RARS2: variants seen among roughly 807,000 people sequenced by gnomAD.
The protein encoded by RARS2 is probable arginine--tRNA ligase, mitochondrial.
Under a neutral mutation model 88.5 loss-of-function variants are expected in RARS2, and 67 were observed. The observed-to-expected ratio is 0.76, with a 90% CI of 0.62 to 0.93. The LOEUF (loss-of-function observed/expected upper bound fraction) is 0.93, where lower values mean the gene tolerates loss of function less well. Among genes scored for constraint, RARS2 ranks in the 40% least tolerant of loss-of-function variants. The pLI, the probability that RARS2 is intolerant of heterozygous loss-of-function variation, is 0.00. For synonymous variants in RARS2, 239 were observed against 230.3 expected (o/e 1.04, Z -0.34); for missense variants, 664 against 684.2 (o/e 0.97, Z 0.33).
chr6:87,582,330 T>A (rs1773860606), intron 1 of RARS2, among the ~76,000 whole-genome samples: 1 of 152,190 alleles, frequency 6.6e-6, no homozygotes, highest in Non-Finnish European at 1.5e-5. Flanking sequence ...CTCATTGTGG[T>A]TTTGATTTAC....
intron 8 of RARS2, among the ~76,000 whole-genome samples, chr6:87,536,497 C>T (rs1206506797): frequency 3.3e-5 from 5 of 151,764 alleles, no homozygotes; most frequent in African/African-American, 7.3e-5. Flanking sequence ...ATTAGCTGGG[C>T]GTGGTAGTGC....
Position 87,514,304 on chromosome 6 carries a change from TC to T in RARS2, c.*108del. On this transcript the variant is annotated 3_prime_UTR_variant, in exon 20 of 20. Transcript: ENST00000369536. ...CCAGCCTGGGCAACAAGAGCGAAAC[TC>T]CATCTCAAAAAAAAAAAAAAAAAAT... The T allele has an allele frequency of 2.1e-5, 14 of 663,368 alleles. No individual in the cohort carries two copies. In the South Asian group the frequency reaches 2.4e-4, roughly 11 times the overall value. 41.1% of individuals were successfully genotyped at this position (663,368 alleles called of 1,614,324 possible). A position where few individuals can be genotyped will look rare whatever the true frequency, so the allele number is the denominator to read the frequency against.
rs555944432 is a variant in RARS2 at position 87,564,439 on chromosome 6, C to T, written c.111-207G>A. The T allele has an allele frequency of 7.4e-6, 4 of 541,316 alleles. No individual in the cohort carries two copies. In the South Asian group the frequency reaches 7.9e-5, roughly 11 times the overall value. 33.5% of individuals were successfully genotyped at this position (541,316 alleles called of 1,614,324 possible). On this transcript the variant is annotated intron_variant, in intron 2 of 19. Coordinates refer to ENST00000369536, the MANE Select transcript of RARS2 (RefSeq NM_020320.5). ...CTTTGGGAGGCTAAGGCAGGCGGAT[C>T]ACCTGAGGTTGAGTTCTAGACCAGC...
intron 1 of RARS2, 126 bp from the exon 2 acceptor site, chr6:87,569,716 T>G (rs561413976): frequency 1.3e-6 from 1 of 776,488 alleles, no homozygotes; most frequent in Admixed American, 2.1e-5. Flanking sequence ...GCATTCCAAG[T>G]GAAGGAAGCC....
In RARS2 at chr6:87,524,431, T is replaced by C. The variant is rs1286552991; in HGVS notation, c.974+126A>G. 4 of 812,220 alleles carry C rather than the reference T, an allele frequency of 4.9e-6. No individual in the cohort carries two copies. In the East Asian group the frequency reaches 1.0e-4, roughly 20 times the overall value. 50.3% of individuals were successfully genotyped at this position (812,220 alleles called of 1,614,324 possible). A position where few individuals can be genotyped will look rare whatever the true frequency, so the allele number is the denominator to read the frequency against. ...TTTAGTTGATTATGAAGTACTTCAG[T>C]TTTACAGTTTATAGAATAATGTCAT... is the stretch of plus-strand genomic sequence containing the variant. On this transcript the variant is annotated intron_variant, in intron 11 of 19. Coordinates refer to ENST00000369536, the MANE Select transcript of RARS2 (RefSeq NM_020320.5).
chr6:87,514,809 T>C (rs1450474183), intron 19 of RARS2, 148 bp downstream of exon 19: 1 of 735,360 alleles, frequency 1.4e-6, no homozygotes, highest in Non-Finnish European at 2.4e-6. Flanking sequence ...TATATACACA[T>C]TGATTGTTAC....
At chr6:87,527,574 A>G (rs956894071) in intron 10 of RARS2, among the ~76,000 whole-genome samples, 1 of 152,202 alleles carries the variant, frequency 6.6e-6, no homozygotes, top group African/African-American at 2.4e-5. Flanking sequence ...AAACTAAAAA[A>G]GCTTCTGCAC....
chr6:87,524,831 T>C (rs1295574278), intron 10 of RARS2, among the ~76,000 whole-genome samples, 179 bp from the exon 11 acceptor site: 2 of 152,244 alleles, frequency 1.3e-5, no homozygotes, highest in Non-Finnish European at 2.9e-5. Context: ...GAATCTCTTA[T>C]GAATGGGTAT....
intron 1 of RARS2, chr6:87,584,579 C>T (rs6927826): frequency 0.055 from 18,251 of 332,404 alleles, 766 homozygotes; most frequent in African/African-American, 0.15. Context: ...GAGTTAGTTA[C>T]ACAAATAGTG....
chr6:87,556,405 G>A (rs1024610732), intron 4 of RARS2, among the ~76,000 whole-genome samples: 8 of 151,850 alleles, frequency 5.3e-5, no homozygotes, highest in Non-Finnish European at 1.0e-4. Flanking sequence ...AGACTCAAAC[G>A]ACCTTCCTAC....
chr6:87,543,459 T>A (rs1178440075), intron 7 of RARS2, among the ~76,000 whole-genome samples: 1 of 149,412 alleles, frequency 6.7e-6, no homozygotes, highest in Non-Finnish European at 1.5e-5. Context: ...CTGATGAACA[T>A]GGCAAAACCC....
intron 1 of RARS2, among the ~76,000 whole-genome samples, chr6:87,571,116 T>C (rs1004318473): frequency 3.3e-5 from 5 of 152,122 alleles, no homozygotes; most frequent in Non-Finnish European, 7.4e-5. Context: ...ATAGCTCCCA[T>C]AATCCCCACG....
intron 12 of RARS2, 21 bp downstream of exon 12, chr6:87,521,443 C>T: frequency 6.4e-7 from 1 of 1,559,398 alleles, no homozygotes; most frequent in Non-Finnish European, 8.8e-7. Context: ...GAGATCATAA[C>T]TTTTTGTTCT....
chr6:87,514,525 T>A, intron 19 of RARS2, 26 bp from the exon 20 acceptor site: 1 of 1,549,712 alleles, frequency 6.5e-7, no homozygotes, highest in Non-Finnish European at 8.9e-7. Flanking sequence ...AAGAATGATT[T>A]AAAATATTCA....
At chr6:87,574,310 T>C (rs1770725180) in intron 1 of RARS2, among the ~76,000 whole-genome samples, 1 of 152,286 alleles carries the variant, frequency 6.6e-6, no homozygotes, top group East Asian at 1.9e-4. Context: ...TAATATACCA[T>C]GTCAGAGTTG....
intron 1 of RARS2, among the ~76,000 whole-genome samples, chr6:87,583,253 T>G (rs1774145078): frequency 6.6e-6 from 1 of 152,220 alleles, no homozygotes; most frequent in Non-Finnish European, 1.5e-5. Flanking sequence ...CAACTTTTTA[T>G]AAGTCTGAAA....
In RARS2 at chr6:87,515,032, A is replaced by G. The variant is rs776926789; in HGVS notation, c.1587-12T>C. The G allele has an allele frequency of 1.2e-6, 2 of 1,605,316 alleles. No individual in the cohort carries two copies. Among genetic ancestry groups the G allele is most frequent in the South Asian group, 2.2e-5 (2 of 90,852 alleles). ...CAGCTGCAAGATGACTGAAACAGGA[A>G]GAGAGAAATCACGATAGTACCAGCA... On this transcript the variant is annotated splice_polypyrimidine_tract_variant and intron_variant, in intron 18 of 19. Coordinates refer to ENST00000369536, the MANE Select transcript of RARS2 (RefSeq NM_020320.5).
chr6:87,574,509 A>C (rs1299980044), intron 1 of RARS2, among the ~76,000 whole-genome samples: 1 of 152,268 alleles, frequency 6.6e-6, no homozygotes, highest in African/African-American at 2.4e-5. Context: ...GCTGTCAAGC[A>C]TGAGCAAGAA....
intron 8 of RARS2, among the ~76,000 whole-genome samples, chr6:87,535,159 T>C (rs1778739190): frequency 6.6e-6 from 1 of 152,114 alleles, no homozygotes; most frequent in Non-Finnish European, 1.5e-5. Context: ...AAATTCATAC[T>C]AGCCATAACA....
Sources: gnomAD v4.1 joint callset for allele counts (sites outside exome capture counted in the v4.1 genomes callset) on GRCh38, gnomAD v4.1.1 for gene constraint, MANE v1.5 for transcripts, NCBI Gene and HGNC (gene_info 2026-07-23, HGNC 2026-07-21) for gene names.